Variants in DBR1 observed in about 807,000 individuals in gnomAD.
DBR1 encodes debranching RNA lariats 1, also known as lariat debranching enzyme.
Under a neutral mutation model 45.9 loss-of-function variants are expected in DBR1, and 33 were observed. That is an observed-to-expected ratio of 0.72 (90% CI 0.55 to 0.96). DBR1 has a LOEUF of 0.96. DBR1 is among the 40% of genes least tolerant of loss of function. The probability of loss-of-function intolerance (pLI) is 0.00; values close to 1 mark genes in which losing one functional copy is unlikely to be tolerated. For synonymous variants in DBR1, 235 were observed against 235.9 expected, an observed-to-expected ratio of 1.00 and a Z score of 0.04; for missense variants, 619 against 667.4, an observed-to-expected ratio of 0.93 and a Z score of 0.80.
intron 5 of DBR1, among the ~76,000 whole-genome samples, chr3:138,166,552 G>A (rs1001340926): frequency 2.6e-4 from 40 of 152,088 alleles, no homozygotes; most frequent in Non-Finnish European, 4.1e-4. Flanking sequence ...CAAACTAATC[G>A]TTCTGAAATG....
rs532423655 is a variant in DBR1, at chr3:138,165,892, T to A, written c.714+1189A>T. Reference sequence around the variant, plus strand: ...ACAAAGAGGTCAAACATATTATTAATGCAGAGATACAATGAAAAGAGTAAC... The same window carrying A: ...ACAAAGAGGTCAAACATATTATTAAAGCAGAGATACAATGAAAAGAGTAAC... On this transcript the variant is annotated intron_variant, in intron 5 of 7. Transcript: ENST00000260803. Among the ~76,000 whole-genome samples the A allele has an allele frequency of 5.9e-5, 9 of 152,316 alleles. No individual in the cohort carries two copies. The East Asian group carries it at 1.5e-3, about 26-fold the overall frequency.
intron 5 of DBR1, 88 bp from the exon 6 acceptor site, chr3:138,163,946 T>C: frequency 1.1e-6 from 1 of 906,258 alleles, no homozygotes; most frequent in Non-Finnish European, 1.8e-6. Context: ...AAATAATCTT[T>C]ATCACACATA....
chr3:138,161,555 T>C lies in DBR1; in HGVS notation c.*334A>G. The C allele has an allele frequency of 4.6e-6, 1 of 219,346 alleles. No individual in the cohort carries two copies. Among genetic ancestry groups the C allele is most frequent in the Non-Finnish European group, 9.2e-6 (1 of 108,338 alleles). 13.6% of individuals were successfully genotyped at this position (219,346 alleles called of 1,614,324 possible). A position where few individuals can be genotyped will look rare whatever the true frequency, so the allele number is the denominator to read the frequency against. ...TATCTACATATAATACTAAGACAAG[T>C]AAATTGTCGGCCAGGCACAGTGGCT... On this transcript the variant is annotated 3_prime_UTR_variant, in exon 8 of 8. Coordinates refer to ENST00000260803, the MANE Select transcript of DBR1 (RefSeq NM_016216.4).
Position 138,170,129 on chromosome 3 carries a change from A to C in DBR1, c.467T>G (p.Ile156Ser). 6.3e-7 allele frequency: 1 copy of C among 1,595,172 alleles called. No individual in the cohort carries two copies. Among genetic ancestry groups the C allele is most frequent in the Non-Finnish European group, 8.6e-7 (1 of 1,166,264 alleles). The change falls in exon 4 of 8, where the codon ATT becomes AGT. Residue 156 changes from isoleucine to serine, a missense_variant. This residue lies in a region of DBR1 where 430 missense variants were observed against 447.7 expected (regional missense o/e 0.96). Coordinates refer to ENST00000260803, the MANE Select transcript of DBR1 (RefSeq NM_016216.4). ...TIRSIYHVRN[I>S]EVYKLKQLKQ... ...TACCTGTTTTAATTTATAGACTTCA[A>C]TATTTCTCACATGATATATACTCCT... is the stretch of plus-strand genomic sequence containing the variant.
chr3:138,163,977 G>A, intron 5 of DBR1, 119 bp from the exon 6 acceptor site: 1 of 604,006 alleles, frequency 1.7e-6, no homozygotes, highest in Non-Finnish European at 2.8e-6. Context: ...GTGTGTCAAA[G>A]GAATGACTGT....
intron 1 of DBR1, among the ~76,000 whole-genome samples, chr3:138,173,947 G>A (rs1433556541): frequency 2.0e-5 from 3 of 151,202 alleles, no homozygotes; most frequent in Non-Finnish European, 4.4e-5. Flanking sequence ...CTTGAACCCA[G>A]GAGACGGAGG....
Position 138,162,139 on chromosome 3 carries a change from GA to G in DBR1, c.1384del (p.Ser462LeufsTer14). The G allele has an allele frequency of 1.2e-6, 2 of 1,614,158 alleles. No individual in the cohort carries two copies. Among genetic ancestry groups the G allele is most frequent in the Middle Eastern group, 1.6e-4 (1 of 6,062 alleles). On this transcript the variant is annotated frameshift_variant, in exon 8 of 8. Coordinates refer to ENST00000260803, the MANE Select transcript of DBR1 (RefSeq NM_016216.4). LOFTEE classifies it high-confidence loss of function. ...VEPSDQASEF[S>X]ASFSDVRILP... is the part of the protein sequence containing the mutation. ...GATCCTGACATCAGAGAAACTTGCA[GA>G]AAACTCAGAAGCTTGATCAGAAGGT...
rs192925927 is a variant in DBR1 at position 138,172,456 on chromosome 3, G to C, written c.323-743C>G. On this transcript the variant is annotated intron_variant, in intron 2 of 7. Coordinates refer to ENST00000260803, the MANE Select transcript of DBR1 (RefSeq NM_016216.4). ...AAAAAAACAAAAAAATTAGCCGGGC[G>C]TGGTGGTACACGCTTGCAGTCACAG... 9.8e-4 allele frequency among the ~76,000 whole-genome samples: 149 copies of C among 152,230 alleles called. 2 individuals are homozygous for C. The highest frequency in any genetic ancestry group is 3.4e-3 in the African/African-American group (140 of 41,544).
Position 138,168,320 on chromosome 3 carries a change from A to T in DBR1, c.490-1015T>A, listed in dbSNP as rs575399897. On this transcript the variant is annotated intron_variant, in intron 4 of 7. Coordinates refer to ENST00000260803, the MANE Select transcript of DBR1 (RefSeq NM_016216.4). ...ATCGCCTGAAGGTCAGGAGTTCGAG[A>T]CCAGCCTGGCCAACATGGTGAAACC... 4.6e-5 allele frequency among the ~76,000 whole-genome samples: 7 copies of T among 151,382 alleles called. No homozygotes were observed. In the East Asian group the frequency reaches 1.4e-3, roughly 30 times the overall value.
At position 138,162,341 on chromosome 3, in the gene DBR1, C is replaced by T. The variant is rs766308614; in HGVS notation, c.1183G>A (p.Glu395Lys). The change falls in exon 8 of 8, where the codon GAA (glutamate) becomes AAA (lysine). Residue 395 changes from glutamate (E) to lysine (K), a missense_variant. By Grantham distance (56) the Glu-to-Lys change is moderately conservative. Around this residue, in one of 3 missense-constraint regions of DBR1, gnomAD observed 182 missense variants for 196.1 expected, o/e 0.93. Transcript: ENST00000260803. ...TCCACATCATCCTGTTCTTCATATT[C>T]ACCACACACATGATGTTCTTCCTTG... Reference protein sequence around the residue: ...KSKEEHHVCGEYEEQDDVESN... With the variant: ...KSKEEHHVCGKYEEQDDVESN... 1.2e-6 allele frequency: 2 copies of T among 1,614,206 alleles called. No homozygotes were observed. Among genetic ancestry groups the T allele is most frequent in the South Asian group, 2.2e-5 (2 of 91,086 alleles).
intron 2 of DBR1, among the ~76,000 whole-genome samples, chr3:138,172,881 AT>A (rs1241692740): frequency 1.3e-5 from 2 of 152,200 alleles, no homozygotes; most frequent in Non-Finnish European, 2.9e-5. Flanking sequence ...ATTTAAACCA[AT>A]TGTAAAGCAG....
Position 138,174,720 on chromosome 3 carries a change from G to A in DBR1, c.76C>T (p.Arg26Cys), listed in dbSNP as rs771237254. 3 of 1,612,570 alleles carry A rather than the reference G, an allele frequency of 1.9e-6. No individual in the cohort carries two copies. The highest frequency in any genetic ancestry group is 3.3e-5 in the Admixed American group (2 of 59,920). ...IYETLALAER[R>C]GPGPVDLLLC... ...AAGAGGTCGACAGGCCCCGGGCCGC[G>A]CCGCTCTGCCAGCGCCAGCGTCTCA... The change falls in exon 1 of 8, where the codon CGC becomes TGC. Residue 26 changes from arginine to cysteine, a missense_variant. Physicochemically the swap from Arg to Cys is radical, Grantham distance 180. Coordinates refer to ENST00000260803, the MANE Select transcript of DBR1 (RefSeq NM_016216.4).
At position 138,171,814 on chromosome 3, in the gene DBR1, T is replaced by G. The variant is rs747230385; in HGVS notation, c.323-101A>C. ...GATGGAATTCCACACAGTTCTAAAATTATTTGAAAATTAAGCACCATGATG... is the reference window on the plus strand; with the variant it reads ...GATGGAATTCCACACAGTTCTAAAAGTATTTGAAAATTAAGCACCATGATG... On this transcript the variant is annotated intron_variant, in intron 2 of 7. Transcript: ENST00000260803. 3.0e-5 allele frequency: 26 copies of G among 876,998 alleles called. 1 individual carries two copies. The highest frequency in any genetic ancestry group is 4.6e-5 in the Non-Finnish European group (25 of 540,092). The allele number at this position is 876,998 out of a possible 1,614,324, so 54.3% of individuals were successfully genotyped here. A position where few individuals can be genotyped will look rare whatever the true frequency, so the allele number is the denominator to read the frequency against.
In DBR1 at chr3:138,170,205, C is replaced by A. The variant is rs2107905295; in HGVS notation, c.404-13G>T. 6.6e-7 allele frequency: 1 copy of A among 1,510,970 alleles called. No individual in the cohort carries two copies. Among genetic ancestry groups the A allele is most frequent in the East Asian group, 2.3e-5 (1 of 43,950 alleles). The allele number at this position is 1,510,970 out of a possible 1,614,324, so 93.6% of individuals were successfully genotyped here. On this transcript the variant is annotated splice_polypyrimidine_tract_variant and intron_variant, in intron 3 of 7. Transcript: ENST00000260803. ...CACTCAAAATGACCTTAGATTGAAG[C>A]AGAAAAATAAGCTATATTTAATTTC...
rs776443332 is a variant in DBR1, at chr3:138,162,219, T to G, written c.1305A>C (p.Glu435Asp). 6.8e-6 allele frequency: 11 copies of G among 1,614,160 alleles called. No homozygotes were observed. Among genetic ancestry groups the G allele is most frequent in the Non-Finnish European group, 8.5e-6 (10 of 1,180,018 alleles). Residue 435 changes from glutamate (E) to aspartate (D), a missense_variant, in exon 8 of 8, where the codon GAA becomes GAC. Coordinates refer to ENST00000260803, the MANE Select transcript of DBR1 (RefSeq NM_016216.4). ...GTGCACTTACAATACTATCTTCATC[T>G]TCTTCTTCATCTAACATTATTTCAT... is the stretch of plus-strand genomic sequence containing the variant. ...NPDEIMLDEE[E>D]DEDSIVSAHS...
chr3:138,163,601 AATT>A, intron 6 of DBR1, 107 bp from the exon 7 acceptor site: 6 of 747,154 alleles, frequency 8.0e-6, no homozygotes, highest in Non-Finnish European at 1.1e-5. Flanking sequence ...ATTTAATTTC[AATT>A]ATTTAATTTT....
At chr3:138,172,374 A>C (rs1477364152) in intron 2 of DBR1, among the ~76,000 whole-genome samples, 1 of 152,202 alleles carries the variant, frequency 6.6e-6, no homozygotes, top group East Asian at 1.9e-4. Flanking sequence ...CTTTGAGCTC[A>C]TGAGTTCGAG....
At chr3:138,165,305 A>C (rs527369694) in intron 5 of DBR1, among the ~76,000 whole-genome samples, 2 of 152,324 alleles carry the variant, frequency 1.3e-5, no homozygotes, top group Admixed American at 1.3e-4. Context: ...CAGATTTTGG[A>C]ATATTTACAG....
intron 3 of DBR1, among the ~76,000 whole-genome samples, chr3:138,170,429 A>G (rs1162814840): frequency 6.6e-6 from 1 of 152,214 alleles, no homozygotes; most frequent in African/African-American, 2.4e-5. Context: ...CACTTCAGTT[A>G]CTTTCTAACT....
Sources: allele counts gnomAD v4.1 joint callset (sites outside exome capture counted in the v4.1 genomes callset), GRCh38; gene constraint gnomAD v4.1.1; regional missense constraint gnomAD v4.1.1; transcripts MANE v1.5; gene names NCBI Gene and HGNC (gene_info 2026-07-23, HGNC 2026-07-21).